Variants in DPH1 observed in about 807,000 individuals in gnomAD.
The protein encoded by DPH1 is 2-(3-amino-3-carboxypropyl)histidine synthase subunit 1.
Under a neutral mutation model 55.3 loss-of-function variants are expected in DPH1, and 59 were observed. The observed-to-expected ratio is 1.07, with a 90% CI of 0.87 to 1.33. The LOEUF (loss-of-function observed/expected upper bound fraction) is 1.33, where lower values mean the gene tolerates loss of function less well. DPH1 is among the 40% of genes most tolerant of loss of function. The pLI is 0.00. For missense variants in DPH1, 628 were observed against 584.8 expected (o/e 1.07, Z -0.76); for synonymous variants, 238 against 235.5 (o/e 1.01, Z -0.10).
intron 9 of DPH1, 167 bp downstream of exon 9, chr17:2,040,772 T>C: frequency 4.1e-6 from 3 of 738,536 alleles, no homozygotes; most frequent in Non-Finnish European, 6.6e-6. Context: ...GCTTTGGGAC[T>C]TTGGGGCTCA....
chr17:2,042,110 C>T, intron 12 of DPH1: 2 of 1,568,716 alleles, frequency 1.3e-6, no homozygotes, highest in African/African-American at 2.8e-5. Flanking sequence ...GCGAGCGGGG[C>T]TTCCGTGAGA....
chr17:2,030,886 C>T (rs1407849084), intron 1 of DPH1, among the ~76,000 whole-genome samples: 1 of 152,178 alleles, frequency 6.6e-6, no homozygotes, highest in African/African-American at 2.4e-5. Context: ...AAAACCATAG[C>T]AGTGGTAACG....
Position 2,040,275 on chromosome 17 carries a change from GGC to G in DPH1, c.808_809del (p.Ala270CysfsTer13). 1 of 1,614,076 alleles carries G rather than the reference GGC, an allele frequency of 6.2e-7. No individual in the cohort carries two copies. ...AACACTATGACCACCAGCGCATGCA[GGC>G]TGCTCGCCAAGAAGCCATAGCCACT... ...REHYDHQRMQ[A>X]ARQEAIATAR... is the part of the protein sequence containing the mutation. On this transcript the variant is annotated frameshift_variant, in exon 8 of 13. Coordinates refer to ENST00000263083, the MANE Select transcript of DPH1 (RefSeq NM_001383.6). LOFTEE classifies it high-confidence loss of function.
intron 2 of DPH1, 39 bp downstream of exon 2, chr17:2,033,696 G>A: frequency 1.2e-6 from 2 of 1,613,724 alleles, no homozygotes; most frequent in Non-Finnish European, 8.5e-7. Flanking sequence ...GGGGTGGAGA[G>A]GTTGCCTGGC....
chr17:2,032,660 G>A (rs1198304095), intron 1 of DPH1, among the ~76,000 whole-genome samples: 3 of 152,220 alleles, frequency 2.0e-5, no homozygotes, highest in Non-Finnish European at 2.9e-5. Flanking sequence ...AGCATTTATT[G>A]TAAGGCACCA....
Position 2,036,704 on chromosome 17 carries a change from C to T in DPH1, c.558+18C>T. ...CCTTGCAGGTGGGTGGAACGAGGAT[C>T]CTCGGCCTCCTGCAGGGTGGACAGC... is the stretch of plus-strand genomic sequence containing the variant. On this transcript the variant is annotated intron_variant, in intron 5 of 12. Coordinates refer to ENST00000263083, the MANE Select transcript of DPH1 (RefSeq NM_001383.6). This position sits in a 1 kb window ranked among gnomAD's most constrained non-coding sequence, Gnocchi z 4.8. 6.2e-7 allele frequency: 1 copy of T among 1,613,558 alleles called. No homozygotes were observed. Among genetic ancestry groups the T allele is most frequent in the Non-Finnish European group, 8.5e-7 (1 of 1,179,778 alleles).
intron 1 of DPH1, 53 bp from the exon 2 acceptor site, chr17:2,033,452 A>T (rs777878153): frequency 3.1e-6 from 5 of 1,612,090 alleles, no homozygotes; most frequent in Admixed American, 3.3e-5. Flanking sequence ...ATTCCATCTC[A>T]ATCTGGCTTC....
chr17:2,030,286 A>G (rs2067313479), intron 1 of DPH1, 56 bp downstream of exon 1: 14 of 1,525,822 alleles, frequency 9.2e-6, no homozygotes, highest in Non-Finnish European at 1.2e-5. Context: ...GGGGCCCCCA[A>G]GTTAGGGACA....
At chr17:2,042,050 G>A (rs751527610) in intron 12 of DPH1, 175 bp downstream of exon 12, 7 of 1,526,864 alleles carry the variant, frequency 4.6e-6, no homozygotes, top group South Asian at 1.2e-5. Flanking sequence ...CGGGCATAAT[G>A]GCCGCGCAGC....
chr17:2,042,950 A>T lies in DPH1; in HGVS notation c.*364A>T. Reference sequence around the variant, plus strand: ...TTGCCTTCGCTCCATGTTTTTGGGGACACTGACAAAGTCATCCCCTCTCAG... The same window carrying T: ...TTGCCTTCGCTCCATGTTTTTGGGGTCACTGACAAAGTCATCCCCTCTCAG... On this transcript the variant is annotated 3_prime_UTR_variant, in exon 13 of 13. Coordinates refer to ENST00000263083, the MANE Select transcript of DPH1 (RefSeq NM_001383.6). 6.2e-7 allele frequency: 1 copy of T among 1,614,116 alleles called. No homozygotes were observed. The highest frequency in any genetic ancestry group is 2.2e-5 in the East Asian group (1 of 44,884).
intron 1 of DPH1, among the ~76,000 whole-genome samples, chr17:2,031,755 T>C (rs2151339594): frequency 6.6e-6 from 1 of 152,134 alleles, no homozygotes; most frequent in East Asian, 1.9e-4. Context: ...AATAATAAGA[T>C]GAATTGTTTA....
At chr17:2,040,188 C>A (rs757908260) in intron 7 of DPH1, 30 bp from the exon 8 acceptor site, 3 of 1,610,350 alleles carry the variant, frequency 1.9e-6, no homozygotes, top group Non-Finnish European at 2.5e-6. Flanking sequence ...ACAGTGGCTG[C>A]CACAGTGACC....
At chr17:2,041,931 T>G (rs869020) in intron 12 of DPH1, 56 bp downstream of exon 12, 505,187 of 1,531,258 alleles carry the variant, frequency 0.33, 85,641 homozygotes, top group East Asian at 0.6. Flanking sequence ...TGGGAACGCC[T>G]TGGCGCTCCG....
Position 2,043,236 on chromosome 17 carries a change from A to G in DPH1, c.*650A>G, listed in dbSNP as rs1357774813. ...AGAACCAGTTAAGAGACAACTATCA[A>G]TTCTTGAGACCCAAATTATAAGGGC... On this transcript the variant is annotated 3_prime_UTR_variant, in exon 13 of 13. Transcript: ENST00000263083. 4.4e-6 allele frequency: 5 copies of G among 1,138,410 alleles called. No homozygotes were observed. Among genetic ancestry groups the G allele is most frequent in the Admixed American group, 2.4e-5 (1 of 41,128 alleles). The allele number at this position is 1,138,410 out of a possible 1,614,324, so 70.5% of individuals were successfully genotyped here.
chr17:2,039,577 CTG>C (rs2067480614), intron 6 of DPH1, 176 bp from the exon 7 acceptor site: 2 of 662,204 alleles, frequency 3.0e-6, no homozygotes, highest in African/African-American at 1.8e-5. Flanking sequence ...CGGGGTTTCA[CTG>C]TGTTAGCCAG....
Position 2,039,760 on chromosome 17 carries a change from T to G in DPH1, c.686T>G (p.Leu229Arg), listed in dbSNP as rs730882250. The G allele has an allele frequency of 1.9e-6, 3 of 1,614,030 alleles. No individual in the cohort carries two copies. The highest frequency in any genetic ancestry group is 1.3e-5 in the African/African-American group (1 of 74,938). ...LSKEVEAVVYLGDGRFHLESV... is the reference protein window; with the variant it reads ...LSKEVEAVVYRGDGRFHLESV... ...CCTCCTTTCCACCCCTGCAGGTATC[T>G]TGGAGATGGCCGCTTCCATCTGGAG... The change falls in exon 7 of 13, where the codon CTT becomes CGT. Residue 229 changes from leucine to arginine, a missense_variant. By Grantham distance (102) the Leu-to-Arg change is moderately radical (BLOSUM62 -2). Coordinates refer to ENST00000263083, the MANE Select transcript of DPH1 (RefSeq NM_001383.6).
chr17:2,035,424 C>CAGGCGAGGGGGCCCTGCCTGTGGTGG (rs2067401415), intron 3 of DPH1, among the ~76,000 whole-genome samples: 5 of 125,998 alleles, frequency 4.0e-5, no homozygotes, highest in African/African-American at 6.3e-5. Context: ...AGTGGGGGTC[C>CAGGCGAGGGGGCCCTGCCTGTGGTGG]GGACGAGAGG....
Position 2,040,314 on chromosome 17 carries a change from T to A in DPH1, c.846T>A (p.Ala282=). The A allele has an allele frequency of 6.2e-7, 1 of 1,614,094 alleles. No individual in the cohort carries two copies. Among genetic ancestry groups the A allele is most frequent in the Non-Finnish European group, 8.5e-7 (1 of 1,180,034 alleles). The change falls in exon 8 of 13, where the codon GCT becomes GCA. Residue 282 remains alanine (A), a synonymous_variant. Coordinates refer to ENST00000263083, the MANE Select transcript of DPH1 (RefSeq NM_001383.6). ...AAGCCATAGCCACTGCCCGCTCAGC[T>A]AAGTCCTGGGGCCTTATTCTGGGCA... ...RQEAIATARS[A]KSWGLILGTL...
At chr17:2,042,503 T>TCTC in intron 12 of DPH1, 102 bp from the exon 13 acceptor site, 13 of 1,442,854 alleles carry the variant, frequency 9.0e-6, no homozygotes, top group Admixed American at 2.6e-5. Flanking sequence ...CTCGATTCCC[T>TCTC]TTTTCTCTCT....
Sources: allele counts gnomAD v4.1 joint callset (sites outside exome capture counted in the v4.1 genomes callset), GRCh38; gene constraint gnomAD v4.1.1; non-coding constraint Gnocchi (gnomAD v3.1); transcripts MANE v1.5; gene names NCBI Gene and HGNC (gene_info 2026-07-23, HGNC 2026-07-21).